Variants in PPFIBP1 observed in about 807,000 individuals in gnomAD.
The protein encoded by PPFIBP1 is liprin-beta-1.
Under a neutral mutation model 137.8 loss-of-function variants are expected in PPFIBP1, and 112 were observed. The ratio of observed to expected loss-of-function variants is 0.81; its 90% CI spans 0.70 to 0.95. PPFIBP1 has a LOEUF of 0.95. Ranked by LOEUF, PPFIBP1 falls within the 40% of genes least tolerant of loss-of-function variation. The probability of loss-of-function intolerance (pLI) is 0.00; values close to 1 mark genes in which losing one functional copy is unlikely to be tolerated. For missense variants in PPFIBP1, 1,083 were observed against 1,196.6 expected (o/e 0.91, Z 1.40); for synonymous variants, 378 against 417.3 (o/e 0.91, Z 1.15).
intron 8 of PPFIBP1, among the ~76,000 whole-genome samples, chr12:27,655,704 C>T (rs2059154548): frequency 1.3e-5 from 2 of 152,168 alleles, no homozygotes; most frequent in African/African-American, 2.4e-5. Flanking sequence ...ACTTTTTGTA[C>T]TTGTCCACTC....
intron 1 of PPFIBP1, among the ~76,000 whole-genome samples, chr12:27,555,403 CTG>C (rs917844779): frequency 5.3e-5 from 8 of 152,188 alleles, no homozygotes; most frequent in African/African-American, 1.9e-4. Context: ...TCTGCAGATC[CTG>C]TCAGGACTAT....
chr12:27,595,886 A>AAT lies in PPFIBP1; in HGVS notation c.-36+17682_-36+17683dup, dbSNP rs201970397. On this transcript the variant is annotated intron_variant, in intron 2 of 29. Transcript: ENST00000228425. ...ACAACAACAACAACAACAACAACAA[A>AAT]ATATATATATATATATATATATATA... 4.3e-3 allele frequency among the ~76,000 whole-genome samples: 437 copies of AAT among 102,360 alleles called. 1 individual carries two copies. Among genetic ancestry groups the AAT allele is most frequent in the Non-Finnish European group, 8.0e-3 (362 of 45,322 alleles). 67.2% of individuals were successfully genotyped at this position (102,360 alleles called of 152,430 possible).
At chr12:27,670,858 A>G (rs1466518417) in intron 13 of PPFIBP1, among the ~76,000 whole-genome samples, 2 of 151,406 alleles carry the variant, frequency 1.3e-5, no homozygotes, top group Admixed American at 6.6e-5. Context: ...CTTACAATAA[A>G]TCATTGCAAC....
At chr12:27,608,573 G>A (rs2054767741) in intron 2 of PPFIBP1, among the ~76,000 whole-genome samples, 1 of 152,104 alleles carries the variant, frequency 6.6e-6, no homozygotes, top group South Asian at 2.1e-4. Context: ...TTAAGTAAAA[G>A]CATTTACCCT....
chr12:27,593,844 T>C lies in PPFIBP1; in HGVS notation c.-36+15605T>C, dbSNP rs532700400. 83 of 1,388,858 alleles carry C rather than the reference T, an allele frequency of 6.0e-5. No individual in the cohort carries two copies. In the East Asian group the frequency reaches 1.5e-3, roughly 25 times the overall value. 86.0% of individuals were successfully genotyped at this position (1,388,858 alleles called of 1,614,324 possible). The stretch of plus-strand genomic sequence containing the variant: ...TATTGTCTCTTCATGTGTTTCCTTA[T>C]CCTTTCAGTCCCCCATGCCCCTTGG... On this transcript the variant is annotated intron_variant, in intron 2 of 29. Transcript: ENST00000228425.
intron 19 of PPFIBP1, chr12:27,677,510 T>A (rs2060597376): frequency 5.0e-6 from 1 of 200,294 alleles, no homozygotes. Flanking sequence ...TTTTTGGCCA[T>A]ATAGGGAGGT....
intron 2 of PPFIBP1, among the ~76,000 whole-genome samples, chr12:27,580,943 G>C (rs1310152987): frequency 6.6e-6 from 1 of 151,700 alleles, no homozygotes; most frequent in Non-Finnish European, 1.5e-5. Context: ...CAGGGTCTCG[G>C]TTTGTTGCCC....
chr12:27,671,150 A>C (rs1593275791), intron 13 of PPFIBP1, among the ~76,000 whole-genome samples: 1 of 152,168 alleles, frequency 6.6e-6, no homozygotes, highest in South Asian at 2.1e-4. Context: ...AAAAAGAAAA[A>C]AAAATTACTA....
Position 27,677,192 on chromosome 12 carries a change from A to G in PPFIBP1, c.1615+96A>G, listed in dbSNP as rs1045258035. The G allele has an allele frequency of 3.5e-6, 5 of 1,442,670 alleles. No homozygotes were observed. The African/African-American group carries it at 5.6e-5, about 16-fold the overall frequency. 89.4% of individuals were successfully genotyped at this position (1,442,670 alleles called of 1,614,324 possible). A position where few individuals can be genotyped will look rare whatever the true frequency, so the allele number is the denominator to read the frequency against. ...TCTGTGATCTCTAGAAAGCGATCTG[A>G]CAGCAATCAGAAAATGTAGTTCTCT... On this transcript the variant is annotated intron_variant, in intron 19 of 29. Transcript: ENST00000228425.
intron 17 of PPFIBP1, among the ~76,000 whole-genome samples, chr12:27,675,749 A>C (rs1210658296): frequency 6.6e-6 from 1 of 152,186 alleles, no homozygotes; most frequent in Admixed American, 6.6e-5. Flanking sequence ...TAGGGGAAAC[A>C]CTTCATGACA....
intron 1 of PPFIBP1, among the ~76,000 whole-genome samples, chr12:27,533,061 G>A (rs186258738): frequency 7.7e-4 from 117 of 152,196 alleles, no homozygotes; most frequent in African/African-American, 2.6e-3. Flanking sequence ...GGAGAGCAGT[G>A]GCTATTCACA....
intron 1 of PPFIBP1, among the ~76,000 whole-genome samples, chr12:27,543,718 T>A (rs1381670089): frequency 6.6e-6 from 1 of 152,154 alleles, no homozygotes; most frequent in Middle Eastern, 3.2e-3. Context: ...AGTTCAAGGA[T>A]CAAATTGAGC....
At chr12:27,532,715 C>T in intron 1 of PPFIBP1, among the ~76,000 whole-genome samples, 1 of 151,874 alleles carries the variant, frequency 6.6e-6, no homozygotes, top group East Asian at 1.9e-4. Context: ...GATGAGCATA[C>T]TTGGGTTTGG....
intron 1 of PPFIBP1, among the ~76,000 whole-genome samples, chr12:27,531,048 C>G (rs1361371484): frequency 6.6e-6 from 1 of 152,182 alleles, no homozygotes; most frequent in Non-Finnish European, 1.5e-5. Context: ...GTGATCTTAA[C>G]TGAGTCTAGA....
intron 18 of PPFIBP1, 176 bp from the exon 19 acceptor site, chr12:27,676,888 A>C: frequency 1.2e-6 from 1 of 826,662 alleles, no homozygotes; most frequent in Admixed American, 2.0e-5. Context: ...GTGATAGTGG[A>C]TAAATTAACA....
intron 13 of PPFIBP1, 29 bp from the exon 14 acceptor site, chr12:27,671,402 T>C (rs947435892): frequency 5.5e-6 from 7 of 1,278,780 alleles, no homozygotes; most frequent in African/African-American, 1.5e-5. Context: ...TTTTGATTGA[T>C]TGATTGATTT....
intron 2 of PPFIBP1, among the ~76,000 whole-genome samples, chr12:27,623,818 C>T (rs2056562476): frequency 6.6e-6 from 1 of 152,096 alleles, no homozygotes; most frequent in South Asian, 2.1e-4. Context: ...ATATGGGAGC[C>T]AGGATACTTA....
rs1335094371 is a variant in PPFIBP1 at position 27,681,487 on chromosome 12, T to G, written c.1896-59T>G. 1.9e-6 allele frequency: 3 copies of G among 1,561,238 alleles called. No individual in the cohort carries two copies. In the Admixed American group the frequency reaches 5.1e-5, roughly 27 times the overall value. On this transcript the variant is annotated intron_variant, in intron 21 of 29. Coordinates refer to ENST00000228425, the MANE Select transcript of PPFIBP1 (RefSeq NM_003622.4). The stretch of plus-strand genomic sequence containing the variant: ...TGAATGTATAGTTGTTTAAAACTAA[T>G]GATAAGCCACAGGATTGGCTTTGGA...
chr12:27,542,731 C>T (rs1488908854), intron 1 of PPFIBP1, among the ~76,000 whole-genome samples: 3 of 152,100 alleles, frequency 2.0e-5, no homozygotes, highest in Admixed American at 6.5e-5. Flanking sequence ...ACTTTCTTTT[C>T]TGTTGTGGAT....
Sources: gnomAD v4.1 joint callset for allele counts (sites outside exome capture counted in the v4.1 genomes callset) on GRCh38, gnomAD v4.1.1 for gene constraint, MANE v1.5 for transcripts, NCBI Gene and HGNC (gene_info 2026-07-23, HGNC 2026-07-21) for gene names.